L3MBTL3: variants seen among roughly 807,000 people sequenced by gnomAD.
L3MBTL3 encodes the protein lethal(3)malignant brain tumor-like protein 3.
L3MBTL3 carries 27 observed loss-of-function variants against 102.3 expected under a neutral mutation model. That is an observed-to-expected ratio of 0.26 (90% confidence interval 0.19 to 0.36). The LOEUF (loss-of-function observed/expected upper bound fraction) is 0.36. L3MBTL3 is among the 10% of genes least tolerant of loss of function. The pLI, the probability that L3MBTL3 is intolerant of heterozygous loss-of-function variation, is 1.00. For missense variants in L3MBTL3, 798 were observed against 955.3 expected (o/e 0.84, Z 2.17); for synonymous variants, 340 against 320.9 (o/e 1.06, Z -0.64).
intron 10 of L3MBTL3, among the ~76,000 whole-genome samples, chr6:130,063,575 A>G (rs1258072893): frequency 6.6e-6 from 1 of 152,194 alleles, no homozygotes; most frequent in African/African-American, 2.4e-5. Flanking sequence ...TCTACTGATC[A>G]GTGTGTAACC....
intron 1 of L3MBTL3, among the ~76,000 whole-genome samples, chr6:130,021,943 A>G (rs1320593665): frequency 6.6e-6 from 1 of 152,242 alleles, no homozygotes; most frequent in Admixed American, 6.5e-5. Context: ...GAGGGAAATT[A>G]AAGTTGACTC....
chr6:130,069,834 T>C (rs1204511386), intron 12 of L3MBTL3, among the ~76,000 whole-genome samples: 2 of 152,216 alleles, frequency 1.3e-5, no homozygotes, highest in Non-Finnish European at 2.9e-5. Context: ...AATTTTTCCA[T>C]TTCTAGATTA....
chr6:130,029,341 C>T (rs981965037), intron 2 of L3MBTL3, among the ~76,000 whole-genome samples: 1 of 152,180 alleles, frequency 6.6e-6, no homozygotes, highest in Non-Finnish European at 1.5e-5. Flanking sequence ...TTTAATCTCT[C>T]ACAGCACTTT....
At chr6:130,104,618 A>G in intron 19 of L3MBTL3, 43 bp downstream of exon 19, 1 of 1,333,428 alleles carries the variant, frequency 7.5e-7, no homozygotes, top group South Asian at 2.0e-5. Context: ...AAGTACTCTA[A>G]TTTAAAGAGA....
chr6:130,101,789 C>T (rs1182863957), intron 18 of L3MBTL3, among the ~76,000 whole-genome samples: 1 of 152,188 alleles, frequency 6.6e-6, no homozygotes, highest in Non-Finnish European at 1.5e-5. Flanking sequence ...GTTTTCTGCT[C>T]AAGTTAGGCA....
At chr6:130,053,212 A>G (rs187599305) in intron 7 of L3MBTL3, among the ~76,000 whole-genome samples, 1 of 152,284 alleles carries the variant, frequency 6.6e-6, no homozygotes, top group African/African-American at 2.4e-5. Flanking sequence ...AAAAAGTGGG[A>G]TGTCCTGAAA....
At chr6:130,041,383 C>G (rs1046343471) in intron 2 of L3MBTL3, among the ~76,000 whole-genome samples, 1 of 152,170 alleles carries the variant, frequency 6.6e-6, no homozygotes, top group East Asian at 1.9e-4. Flanking sequence ...ATCATTCCTT[C>G]TTCACTTATT....
rs578079063 is a variant in L3MBTL3 at position 130,060,085 on chromosome 6, T to C, written c.809T>C (p.Leu270Ser). ...NKNGFKVGMK[L>S]EGVDPEHQSV... ...AATGGATTCAAAGTTGGCATGAAAT[T>C]AGAAGGCGTGGATCCTGAGCATCAG... Residue 270 changes from leucine (L) to serine (S), a missense_variant, in exon 10 of 23, where the codon TTA (leucine) becomes TCA (serine). Physicochemically the swap from Leu to Ser is moderately radical, Grantham distance 145. Around this residue, in one of 4 missense-constraint regions of L3MBTL3, gnomAD observed 434 missense variants for 506.6 expected, o/e 0.86. Transcript: ENST00000361794. 2 of 1,613,776 alleles carry C rather than the reference T, an allele frequency of 1.2e-6. No individual in the cohort carries two copies. Among genetic ancestry groups the C allele is most frequent in the Admixed American group, 1.7e-5 (1 of 59,994 alleles).
chr6:130,049,593 A>G (rs1780961134), intron 4 of L3MBTL3, 163 bp from the exon 5 acceptor site: 3 of 780,028 alleles, frequency 3.8e-6, no homozygotes, highest in East Asian at 2.7e-5. Context: ...TCTTTGTCCT[A>G]ATGCCAGATC....
chr6:130,130,987 T>C (rs570215439), intron 20 of L3MBTL3, among the ~76,000 whole-genome samples: 21 of 152,266 alleles, frequency 1.4e-4, no homozygotes, highest in Admixed American at 2.6e-4. Context: ...TTACCACTTA[T>C]AACAGCCTCA....
intron 2 of L3MBTL3, among the ~76,000 whole-genome samples, chr6:130,022,979 C>T (rs1779106126): frequency 6.6e-6 from 1 of 152,182 alleles, no homozygotes; most frequent in Non-Finnish European, 1.5e-5. Context: ...AGGTCATTCT[C>T]AGGCAGAGGG....
chr6:130,102,071 A>G (rs1562312471), intron 18 of L3MBTL3, among the ~76,000 whole-genome samples: 1 of 151,670 alleles, frequency 6.6e-6, no homozygotes, highest in African/African-American at 2.4e-5. Context: ...CCCCCAAATC[A>G]TCTTCTCCTT....
intron 20 of L3MBTL3, among the ~76,000 whole-genome samples, chr6:130,132,214 T>C (rs528210932): frequency 1.1e-4 from 16 of 152,288 alleles, no homozygotes; most frequent in African/African-American, 3.9e-4. Context: ...CACAACAATG[T>C]GGATGAATCT....
chr6:130,031,507 C>T (rs986119343), intron 2 of L3MBTL3, among the ~76,000 whole-genome samples: 8 of 152,202 alleles, frequency 5.3e-5, no homozygotes, highest in African/African-American at 1.7e-4. Context: ...CTCCCAAAGA[C>T]GCTAGGGTAT....
At chr6:130,060,424 C>T (rs918352044) in intron 10 of L3MBTL3, among the ~76,000 whole-genome samples, 2 of 151,882 alleles carry the variant, frequency 1.3e-5, no homozygotes, top group African/African-American at 4.8e-5. Flanking sequence ...CTGTCTGATG[C>T]CATAGCCCTT....
At chr6:130,130,182 G>A (rs1786909258) in intron 20 of L3MBTL3, among the ~76,000 whole-genome samples, 1 of 152,200 alleles carries the variant, frequency 6.6e-6, no homozygotes. Flanking sequence ...GGTGTTTTTA[G>A]TCATTTCCTT....
chr6:130,019,236 G>T (rs1184959012), intron 1 of L3MBTL3: 1 of 145,348 alleles, frequency 6.9e-6, no homozygotes, highest in Non-Finnish European at 1.5e-5. Flanking sequence ...GGCTCCACCG[G>T]GGTGCGTGTC....
chr6:130,043,104 A>G (rs1780525957), intron 3 of L3MBTL3, among the ~76,000 whole-genome samples: 1 of 152,204 alleles, frequency 6.6e-6, no homozygotes, highest in Non-Finnish European at 1.5e-5. Flanking sequence ...GTGACAGCCT[A>G]TAAATGCAGA....
chr6:130,052,061 C>T (rs1333565727), intron 6 of L3MBTL3, among the ~76,000 whole-genome samples: 1 of 151,608 alleles, frequency 6.6e-6, no homozygotes, highest in Non-Finnish European at 1.5e-5. Context: ...ATTTTAGTGG[C>T]ATTTCCCATG....
Sources: allele counts gnomAD v4.1 joint callset (sites outside exome capture counted in the v4.1 genomes callset), GRCh38; gene constraint gnomAD v4.1.1; regional missense constraint gnomAD v4.1.1; transcripts MANE v1.5; gene names NCBI Gene and HGNC (gene_info 2026-07-23, HGNC 2026-07-21).